WWOX: variants seen among roughly 807,000 people sequenced by gnomAD.
WWOX encodes WW domain containing oxidoreductase, also known as WW domain-containing oxidoreductase.
WWOX carries 69 observed loss-of-function variants against 46.2 expected under a neutral mutation model. The observed-to-expected ratio is 1.49, with a 90% CI of 1.23 to 1.82. The LOEUF (loss-of-function observed/expected upper bound fraction) is 1.82, where lower values mean the gene tolerates loss of function less well. Among genes scored for constraint, WWOX ranks in the 40% most tolerant of loss-of-function variants. The probability of loss-of-function intolerance (pLI) is 0.00; values close to 1 mark genes in which losing one functional copy is unlikely to be tolerated. For synonymous variants in WWOX, 359 were observed against 202.6 expected (o/e 1.77, Z -6.56); for missense variants, 919 against 542.6 (o/e 1.69, Z -6.89).
intron 5 of WWOX, among the ~76,000 whole-genome samples, chr16:78,272,168 T>C (rs2079489392): frequency 6.6e-6 from 1 of 152,206 alleles, no homozygotes; most frequent in East Asian, 1.9e-4. Flanking sequence ...GTGGAGTGAC[T>C]CTTCTGCCCC....
intron 8 of WWOX, among the ~76,000 whole-genome samples, chr16:78,651,158 T>G (rs974135085): frequency 6.6e-6 from 1 of 152,194 alleles, no homozygotes; most frequent in Non-Finnish European, 1.5e-5. Flanking sequence ...CACAAAGTTT[T>G]CTTATATTTT....
intron 8 of WWOX, among the ~76,000 whole-genome samples, chr16:78,790,419 G>C (rs2050565388): frequency 6.6e-6 from 1 of 152,158 alleles, no homozygotes; most frequent in Middle Eastern, 3.2e-3. Flanking sequence ...ACAGGTGTGA[G>C]CCACCGTGCC....
At chr16:78,778,068 A>G (rs916629940) in intron 8 of WWOX, among the ~76,000 whole-genome samples, 1 of 147,596 alleles carries the variant, frequency 6.8e-6, no homozygotes, top group Non-Finnish European at 1.5e-5. Context: ...AAAAAAAGAC[A>G]TTTACATTTT....
At chr16:78,416,810 A>G (rs1020306359) in intron 6 of WWOX, among the ~76,000 whole-genome samples, 7 of 152,258 alleles carry the variant, frequency 4.6e-5, no homozygotes, top group Non-Finnish European at 7.3e-5. Context: ...CTAAGCTGGC[A>G]GGCCAGCAAG....
intron 5 of WWOX, among the ~76,000 whole-genome samples, chr16:78,339,882 G>A (rs1232486114): frequency 2.6e-5 from 3 of 115,148 alleles, no homozygotes; most frequent in Non-Finnish European, 6.1e-5. Context: ...ATAGGAGACT[G>A]TTCCCTTTCA....
At chr16:78,112,736 T>C (rs997405124) in intron 3 of WWOX, among the ~76,000 whole-genome samples, 5 of 151,582 alleles carry the variant, frequency 3.3e-5, no homozygotes, top group African/African-American at 4.9e-5. Flanking sequence ...CTTGCTCTTC[T>C]TATCCAGGGC....
chr16:78,509,300 C>T (rs534520164), intron 8 of WWOX, among the ~76,000 whole-genome samples: 10 of 152,216 alleles, frequency 6.6e-5, no homozygotes, highest in Admixed American at 2.6e-4. Context: ...GTTAGCCGAG[C>T]GTGATGGCCA....
intron 8 of WWOX, among the ~76,000 whole-genome samples, chr16:78,712,930 A>C (rs2048474767): frequency 1.3e-5 from 2 of 152,094 alleles, no homozygotes; most frequent in Non-Finnish European, 2.9e-5. Context: ...AGAAAATATT[A>C]TTCAGAGGTC....
At chr16:78,373,279 A>G (rs1361817444) in intron 5 of WWOX, among the ~76,000 whole-genome samples, 1 of 152,198 alleles carries the variant, frequency 6.6e-6, no homozygotes, top group African/African-American at 2.4e-5. Flanking sequence ...ACAGATCCAC[A>G]TGGGTGTCTC....
intron 8 of WWOX, among the ~76,000 whole-genome samples, chr16:78,736,307 T>A (rs994267555): frequency 6.6e-6 from 1 of 152,164 alleles, no homozygotes; most frequent in African/African-American, 2.4e-5. Flanking sequence ...GGGACCTGTA[T>A]GTTGCCAGGT....
chr16:78,791,957 C>T (rs1007185679), intron 8 of WWOX, among the ~76,000 whole-genome samples: 2 of 152,096 alleles, frequency 1.3e-5, no homozygotes, highest in African/African-American at 4.8e-5. Context: ...ACAAGTTTTT[C>T]TTATTGTTTT....
At chr16:78,905,058 A>G (rs1418860099) in intron 8 of WWOX, among the ~76,000 whole-genome samples, 1 of 152,166 alleles carries the variant, frequency 6.6e-6, no homozygotes, top group East Asian at 1.9e-4. Flanking sequence ...TCAGCTAGAA[A>G]TGTGAGTCTC....
rs1350987958 is a variant in WWOX, at chr16:78,347,483, C to T, written c.517-39377C>T. ...CTGTTACCCCCACAATGTCCCCCCA[C>T]ATATCATTGCTATCCCTCCTCGACA... On this transcript the variant is annotated intron_variant, in intron 5 of 8. Transcript: ENST00000566780. 2.5e-5 allele frequency among the ~76,000 whole-genome samples: 3 copies of T among 118,150 alleles called. 1 individual carries two copies. The highest frequency in any genetic ancestry group is 6.0e-5 in the Non-Finnish European group (3 of 49,834). The allele number at this position is 118,150 out of a possible 152,430, so 77.5% of individuals were successfully genotyped here. A position where few individuals can be genotyped will look rare whatever the true frequency, so the allele number is the denominator to read the frequency against.
chr16:78,921,408 G>A (rs910930731), intron 8 of WWOX, among the ~76,000 whole-genome samples: 1 of 152,092 alleles, frequency 6.6e-6, no homozygotes, highest in Non-Finnish European at 1.5e-5. Flanking sequence ...AGTAAAATTA[G>A]GAGAGTAGAT....
At chr16:79,070,329 G>C (rs1053780423) in intron 8 of WWOX, among the ~76,000 whole-genome samples, 1 of 150,044 alleles carries the variant, frequency 6.7e-6, no homozygotes, top group Non-Finnish European at 1.5e-5. Flanking sequence ...CAACTGGGAA[G>C]GGCCCTAAGC....
intron 8 of WWOX, among the ~76,000 whole-genome samples, chr16:79,135,668 A>G (rs150463597): frequency 3.7e-4 from 56 of 152,328 alleles, no homozygotes; most frequent in African/African-American, 1.3e-3. Context: ...CCCAAAATGT[A>G]TTCACACACC....
intron 8 of WWOX, among the ~76,000 whole-genome samples, chr16:79,102,186 T>G (rs2049214030): frequency 6.6e-6 from 1 of 152,022 alleles, no homozygotes; most frequent in Admixed American, 6.6e-5. Context: ...GTCATCTGAA[T>G]GTCTCTTCTC....
chr16:78,643,999 G>T (rs2046783790), intron 8 of WWOX, among the ~76,000 whole-genome samples: 1 of 152,162 alleles, frequency 6.6e-6, no homozygotes, highest in African/African-American at 2.4e-5. Flanking sequence ...AAGATGGGCA[G>T]ATCACGTGAG....
intron 8 of WWOX, 63 bp downstream of exon 8, chr16:78,432,815 T>C: frequency 6.2e-7 from 1 of 1,612,054 alleles, no homozygotes; most frequent in Non-Finnish European, 8.5e-7. Flanking sequence ...CACACTTGTG[T>C]CTCCACCTTT....
Sources: allele counts gnomAD v4.1 joint callset (sites outside exome capture counted in the v4.1 genomes callset), GRCh38; gene constraint gnomAD v4.1.1; transcripts MANE v1.5; gene names NCBI Gene and HGNC (gene_info 2026-07-23, HGNC 2026-07-21).